The following SCHIP1 variants were observed in gnomAD, a reference collection of about 807,000 sequenced individuals.
The protein encoded by SCHIP1 is schwannomin interacting protein 1.
In SCHIP1, 8 loss-of-function variants were observed where a neutral mutation model predicts 29.7. The observed-to-expected ratio is 0.27, with a 90% CI of 0.16 to 0.49. SCHIP1 has a LOEUF of 0.49. Ranked by LOEUF, SCHIP1 falls within the 20% of genes least tolerant of loss-of-function variation. SCHIP1 has a pLI of 0.99. For synonymous variants in SCHIP1, 76 were observed against 94.9 expected (o/e 0.80, Z 1.16); for missense variants, 193 against 294.6 (o/e 0.66, Z 2.52).
At chr3:159,649,614 A>C in the SCHIP1 span, among the ~76,000 whole-genome samples, 1 of 152,220 alleles carries the variant, frequency 6.6e-6, no homozygotes, top group Non-Finnish European at 1.5e-5. Flanking sequence ...TCAAATCTGT[A>C]AAATTTAAGT....
At chr3:159,773,090 C>T in the SCHIP1 span, among the ~76,000 whole-genome samples, 3 of 152,316 alleles carry the variant, frequency 2.0e-5, no homozygotes, top group South Asian at 4.1e-4. Flanking sequence ...GGACCTCTGT[C>T]GCTGAAGAGA....
chr3:159,846,588 G>A (rs1320850907), intron 1 of SCHIP1, among the ~76,000 whole-genome samples: 1 of 152,050 alleles, frequency 6.6e-6, no homozygotes, highest in Non-Finnish European at 1.5e-5. Flanking sequence ...TCCACAGCAG[G>A]GAAAAAGATA....
At chr3:159,322,606 A>G in the SCHIP1 span, among the ~76,000 whole-genome samples, 1 of 152,196 alleles carries the variant, frequency 6.6e-6, no homozygotes, top group Non-Finnish European at 1.5e-5. Context: ...AGCTGAGCCC[A>G]TTCCTTAGAA....
the SCHIP1 span, among the ~76,000 whole-genome samples, chr3:159,711,360 CAAAAAAAAAAAAAAAAAAAAAAA>C: frequency 1.2e-3 from 8 of 6,752 alleles, 2 homozygotes; most frequent in Admixed American, 0.014. Context: ...GACTCCGTCT[CAAAAAAAAAAAAAAAAAAAAAAA>C]AAAAAAAAAA....
the SCHIP1 span, among the ~76,000 whole-genome samples, chr3:159,634,723 A>G: frequency 1.3e-5 from 2 of 152,210 alleles, no homozygotes; most frequent in South Asian, 4.1e-4. Flanking sequence ...TGCCCAAAGT[A>G]TACATTATAT....
the SCHIP1 span, among the ~76,000 whole-genome samples, chr3:159,296,609 A>T: frequency 6.6e-6 from 1 of 152,136 alleles, no homozygotes; most frequent in Non-Finnish European, 1.5e-5. Context: ...CCCCGTCTCT[A>T]CTAAAGATAC....
chr3:159,546,142 T>A, the SCHIP1 span, among the ~76,000 whole-genome samples: 1 of 152,130 alleles, frequency 6.6e-6, no homozygotes, highest in Non-Finnish European at 1.5e-5. Context: ...TTATTTGTAT[T>A]TTCTTCTTAT....
chr3:159,776,920 G>A, the SCHIP1 span, among the ~76,000 whole-genome samples: 1 of 152,122 alleles, frequency 6.6e-6, no homozygotes, highest in Non-Finnish European at 1.5e-5. Flanking sequence ...TAACCCACTG[G>A]AGCAGTGGGC....
the SCHIP1 span, among the ~76,000 whole-genome samples, chr3:159,692,745 G>A: frequency 6.7e-6 from 1 of 149,876 alleles, no homozygotes; most frequent in Non-Finnish European, 1.5e-5. Context: ...ATGGCAGAGG[G>A]AGACTACTAA....
the SCHIP1 span, among the ~76,000 whole-genome samples, chr3:159,382,381 G>A: frequency 6.6e-6 from 1 of 150,570 alleles, no homozygotes; most frequent in South Asian, 2.1e-4. Flanking sequence ...TCTTGCGATA[G>A]TTTACTGAGA....
At chr3:159,273,713 A>G in the SCHIP1 span, 8 of 1,513,556 alleles carry the variant, frequency 5.3e-6, no homozygotes, top group South Asian at 3.8e-5. Context: ...GAAATTTTTT[A>G]GACAACCTTA....
At chr3:159,550,499 A>G in the SCHIP1 span, among the ~76,000 whole-genome samples, 1 of 152,070 alleles carries the variant, frequency 6.6e-6, no homozygotes, top group Non-Finnish European at 1.5e-5. Context: ...TTTAAAGACT[A>G]TATTGTTTAA....
At chr3:159,683,144 G>C in the SCHIP1 span, among the ~76,000 whole-genome samples, 6 of 152,118 alleles carry the variant, frequency 3.9e-5, no homozygotes, top group African/African-American at 1.4e-4. Context: ...CCACCTCCCA[G>C]GTTCGAGCAA....
the SCHIP1 span, among the ~76,000 whole-genome samples, chr3:159,306,126 T>C: frequency 6.6e-6 from 1 of 152,222 alleles, no homozygotes; most frequent in African/African-American, 2.4e-5. Context: ...ACTTGACTTG[T>C]GGATATTAAT....
chr3:159,543,537 G>A, the SCHIP1 span, among the ~76,000 whole-genome samples: 16,834 of 150,756 alleles, frequency 0.11, 929 homozygotes, highest in Middle Eastern at 0.13. Context: ...TCCCTACAAA[G>A]GACATGAACT....
the SCHIP1 span, among the ~76,000 whole-genome samples, chr3:159,466,218 G>C: frequency 3.9e-5 from 6 of 152,164 alleles, no homozygotes; most frequent in Admixed American, 6.5e-5. Context: ...AAAAACATGA[G>C]ACTTTGTAGT....
the SCHIP1 span, among the ~76,000 whole-genome samples, chr3:159,381,778 G>T: frequency 1.3e-5 from 2 of 152,026 alleles, no homozygotes; most frequent in Non-Finnish European, 2.9e-5. Flanking sequence ...TATATTTTTA[G>T]TAGAGACGGG....
chr3:159,618,267 A>G, the SCHIP1 span, among the ~76,000 whole-genome samples: 1 of 152,020 alleles, frequency 6.6e-6, no homozygotes, highest in South Asian at 2.1e-4. Flanking sequence ...TTTAAGTTTT[A>G]CTCTTCAGTT....
the SCHIP1 span, among the ~76,000 whole-genome samples, chr3:159,330,175 C>T: frequency 2.6e-5 from 4 of 152,240 alleles, no homozygotes; most frequent in East Asian, 7.7e-4. Flanking sequence ...TGTCAAGAGG[C>T]AGTTACAGTC....
Sources: gnomAD v4.1 joint callset for allele counts (sites outside exome capture counted in the v4.1 genomes callset) on GRCh38, gnomAD v4.1.1 for gene constraint, MANE v1.5 for transcripts, NCBI Gene and HGNC (gene_info 2026-07-23, HGNC 2026-07-21) for gene names.